PTH2R: variants seen among roughly 807,000 people sequenced by gnomAD.
PTH2R encodes PTH2 receptor.
A neutral mutation model predicts 60.3 loss-of-function variants in PTH2R; 59 were observed. That is an observed-to-expected ratio of 0.98 (90% CI 0.79 to 1.22). The LOEUF (loss-of-function observed/expected upper bound fraction) is 1.22, where lower values mean the gene tolerates loss of function less well. Ranked by LOEUF, PTH2R falls within the 50% of genes most tolerant of loss-of-function variation. The pLI is 0.00. For missense variants in PTH2R, 749 were observed against 682.6 expected (o/e 1.10, Z -1.08); for synonymous variants, 256 against 243.8 (o/e 1.05, Z -0.47).
Position 208,489,023 on chromosome 2 carries a change from A to C in PTH2R, c.1088A>C (p.Lys363Thr). 1.9e-6 allele frequency: 3 copies of C among 1,614,140 alleles called. No individual in the cohort carries two copies. The highest frequency in any genetic ancestry group is 2.5e-6 in the Non-Finnish European group (3 of 1,180,016). The change falls in exon 11 of 13, where the codon AAA (lysine) becomes ACA (threonine). Residue 363 changes from lysine to threonine, a missense_variant. Lys to Thr is a moderately conservative substitution (Grantham distance 78). Coordinates refer to ENST00000272847, the MANE Select transcript of PTH2R (RefSeq NM_005048.4). ...DTRKQYRKLAKSTLVLVLVFG... is the reference protein window; with the variant it reads ...DTRKQYRKLATSTLVLVLVFG... ...CTGTTCTCCTTTAGGAAACTGGCCA[A>C]ATCGACACTGGTCCTGGTCCTAGTC... is the stretch of plus-strand genomic sequence containing the variant.
chr2:208,450,679 G>C, intron 7 of PTH2R, 70 bp from the exon 8 acceptor site: 1 of 1,441,230 alleles, frequency 6.9e-7, no homozygotes, highest in Non-Finnish European at 9.8e-7. Context: ...TCTTATATAT[G>C]GTGAATTTGA....
intron 1 of PTH2R, among the ~76,000 whole-genome samples, chr2:208,375,888 A>G (rs971470045): frequency 6.6e-5 from 10 of 152,102 alleles, no homozygotes; most frequent in African/African-American, 2.2e-4. Context: ...CTGGCTCCAG[A>G]GAGGATGACA....
chr2:208,379,032 A>G (rs1419603708), intron 1 of PTH2R, among the ~76,000 whole-genome samples: 2 of 152,156 alleles, frequency 1.3e-5, no homozygotes, highest in Non-Finnish European at 1.5e-5. Flanking sequence ...ACACAGTTGA[A>G]AACTAAAGAT....
intron 4 of PTH2R, among the ~76,000 whole-genome samples, chr2:208,440,037 G>A (rs1485371649): frequency 6.6e-6 from 1 of 152,258 alleles, no homozygotes; most frequent in East Asian, 1.9e-4. Flanking sequence ...GCAGCCTTGG[G>A]CAATTATTTT....
intron 4 of PTH2R, among the ~76,000 whole-genome samples, chr2:208,439,099 G>A (rs1383259005): frequency 6.6e-6 from 1 of 152,028 alleles, no homozygotes; most frequent in Non-Finnish European, 1.5e-5. Flanking sequence ...CTTCATTTTT[G>A]CATTACATGA....
intron 5 of PTH2R, 147 bp from the exon 6 acceptor site, chr2:208,443,201 A>C: frequency 5.2e-6 from 3 of 572,110 alleles, no homozygotes; most frequent in Non-Finnish European, 9.1e-6. Flanking sequence ...GGACTTGAGT[A>C]TCTGCAGATT....
intron 1 of PTH2R, among the ~76,000 whole-genome samples, chr2:208,425,326 T>C (rs530756483): frequency 6.6e-6 from 1 of 152,150 alleles, no homozygotes; most frequent in South Asian, 2.1e-4. Context: ...AAGAGGGACA[T>C]GGTGGAAGCA....
At position 208,379,602 on chromosome 2, in the gene PTH2R, G is replaced by A. The variant is rs749079641; in HGVS notation, c.-259+19365G>A. The stretch of plus-strand genomic sequence containing the variant: ...GGCTCTGGCACGGTGGCTCATTCTT[G>A]TAATCCTAGCACTTTCGGAGGCCCA... On this transcript the variant is annotated intron_variant, in intron 1 of 12. Coordinates refer to the PTH2R transcript ENST00000617735. Among the ~76,000 whole-genome samples, 55 of 151,150 alleles carry A rather than the reference G, an allele frequency of 3.6e-4. 1 individual carries two copies. Among genetic ancestry groups the A allele is most frequent in the Non-Finnish European group, 7.1e-4 (48 of 67,842 alleles).
At chr2:208,490,577 A>G in intron 11 of PTH2R, 62 bp from the exon 12 acceptor site, 1 of 1,543,562 alleles carries the variant, frequency 6.5e-7, no homozygotes, top group Non-Finnish European at 8.8e-7. Context: ...TTTTGGCACA[A>G]GATGCTTAAG....
chr2:208,403,793 G>C (rs763004326), upstream of PTH2R, among the ~76,000 whole-genome samples: 4 of 152,178 alleles, frequency 2.6e-5, no homozygotes, highest in Non-Finnish European at 4.4e-5. Context: ...CTGATGAGTT[G>C]CCACTGGTTG....
chr2:208,445,426 A>C (rs946879920), intron 7 of PTH2R, among the ~76,000 whole-genome samples: 1 of 152,200 alleles, frequency 6.6e-6, no homozygotes, highest in African/African-American at 2.4e-5. Context: ...TAAGTAATTA[A>C]AAAAGTATTC....
At chr2:208,393,209 C>T (rs1054977674) in intron 1 of PTH2R, among the ~76,000 whole-genome samples, 1 of 152,164 alleles carries the variant, frequency 6.6e-6, no homozygotes, top group African/African-American at 2.4e-5. Flanking sequence ...CTCTCTGGTC[C>T]TACAACTTGC....
intron 2 of PTH2R, among the ~76,000 whole-genome samples, chr2:208,434,290 ACT>A (rs1004033266): frequency 1.3e-5 from 2 of 151,066 alleles, no homozygotes; most frequent in African/African-American, 2.4e-5. Context: ...CCAGAGTGAG[ACT>A]CTGTCTCAAA....
chr2:208,479,569 C>T lies in PTH2R; in HGVS notation c.982-1501C>T, dbSNP rs1175160953. The stretch of plus-strand genomic sequence containing the variant: ...TCATTCAGAAAGTAGCACTCACGTG[C>T]TTCTTTCTCAGTGACCTGAGCAGTA... On this transcript the variant is annotated intron_variant, in intron 9 of 12. Transcript: ENST00000272847. 3.9e-5 allele frequency among the ~76,000 whole-genome samples: 6 copies of T among 152,204 alleles called. No individual in the cohort carries two copies. In the East Asian group the frequency reaches 1.2e-3, roughly 29 times the overall value.
chr2:208,457,950 A>G (rs1702547911), intron 8 of PTH2R, among the ~76,000 whole-genome samples: 1 of 152,202 alleles, frequency 6.6e-6, no homozygotes, highest in African/African-American at 2.4e-5. Flanking sequence ...AACTATCATT[A>G]TATCCCACAA....
chr2:208,372,292 T>C (rs995857005), intron 1 of PTH2R, among the ~76,000 whole-genome samples: 5 of 152,138 alleles, frequency 3.3e-5, no homozygotes, highest in South Asian at 2.1e-4. Context: ...TAAGAGATTG[T>C]CATTTGAAAG....
rs143543622 is a variant in PTH2R at position 208,381,708 on chromosome 2, G to A, written c.-259+21471G>A. On this transcript the variant is annotated intron_variant, in intron 1 of 12. Coordinates refer to the PTH2R transcript ENST00000617735. ...TTTGTGGCAGGTAGACTCCTAAAAT[G>A]ACTCCCAAATGACCCACACCCTTGT... is the stretch of plus-strand genomic sequence containing the variant. Among the ~76,000 whole-genome samples the A allele has an allele frequency of 4.7e-3, 712 of 152,180 alleles. 8 individuals carry two copies. Among genetic ancestry groups the A allele is most frequent in the African/African-American group, 0.016 (670 of 41,466 alleles).
intron 1 of PTH2R, among the ~76,000 whole-genome samples, chr2:208,361,774 A>T (rs77729269): frequency 0.05 from 7,277 of 146,596 alleles, 173 homozygotes; most frequent in Middle Eastern, 0.076. Context: ...TTTTTTTTTT[A>T]AAAAAAAGGA....
chr2:208,390,566 A>G (rs1701090848), intron 1 of PTH2R, among the ~76,000 whole-genome samples: 1 of 152,202 alleles, frequency 6.6e-6, no homozygotes, highest in Non-Finnish European at 1.5e-5. Flanking sequence ...AGTCCGATAA[A>G]AAGTCCTAAT....
Sources: allele counts gnomAD v4.1 joint callset (sites outside exome capture counted in the v4.1 genomes callset), GRCh38; gene constraint gnomAD v4.1.1; transcripts MANE v1.5; gene names NCBI Gene and HGNC (gene_info 2026-07-23, HGNC 2026-07-21).